The following PIWIL3 variants were observed in gnomAD, a reference collection of about 807,000 sequenced individuals.
PIWIL3 encodes the protein piwi-like protein 3.
In PIWIL3, 101 loss-of-function variants were observed where a neutral mutation model predicts 109.7. The ratio of observed to expected loss-of-function variants is 0.92; its 90% CI spans 0.78 to 1.09. PIWIL3 has a LOEUF of 1.09. PIWIL3 is among the 50% of genes least tolerant of loss of function. The pLI is 0.00. For missense variants in PIWIL3, 1,031 were observed against 1,072.6 expected, an observed-to-expected ratio of 0.96 and a Z score of 0.54; for synonymous variants, 373 against 376.4, an observed-to-expected ratio of 0.99 and a Z score of 0.10.
intron 18 of PIWIL3, among the ~76,000 whole-genome samples, chr22:24,724,020 C>T (rs1922840246): frequency 6.6e-6 from 1 of 152,118 alleles, no homozygotes; most frequent in African/African-American, 2.4e-5. Flanking sequence ...CAAGCCTTCC[C>T]ACAGCAAGAC....
intron 1 of PIWIL3, among the ~76,000 whole-genome samples, chr22:24,768,444 G>A (rs1230551562): frequency 6.6e-6 from 1 of 152,060 alleles, no homozygotes; most frequent in African/African-American, 2.4e-5. Flanking sequence ...AGTAGGGACA[G>A]GGTTTCACCA....
At chr22:24,774,218 G>C (rs1156742943) in intron 1 of PIWIL3, 104 bp downstream of exon 1, 4 of 152,128 alleles carry the variant, frequency 2.6e-5, no homozygotes, top group African/African-American at 9.7e-5. Flanking sequence ...TCCAGCCTTG[G>C]AATGTGCTGT....
intron 9 of PIWIL3, 118 bp downstream of exon 9, chr22:24,751,269 C>T (rs1924694524): frequency 1.9e-6 from 2 of 1,045,420 alleles, no homozygotes; most frequent in South Asian, 1.7e-5. Flanking sequence ...AGCTATAATC[C>T]CCTAAAAGGA....
intron 11 of PIWIL3, 24 bp from the exon 12 acceptor site, chr22:24,749,045 A>G: frequency 1.9e-6 from 3 of 1,550,968 alleles, no homozygotes; most frequent in Non-Finnish European, 2.7e-6. Flanking sequence ...TATTGCCAAC[A>G]TGATCAAACC....
chr22:24,733,028 G>T (rs1923444392), intron 14 of PIWIL3, among the ~76,000 whole-genome samples: 1 of 152,194 alleles, frequency 6.6e-6, no homozygotes, highest in African/African-American at 2.4e-5. Flanking sequence ...TCAAGTAACA[G>T]GAAGCAACAC....
chr22:24,772,710 ATGG>A (rs1285074082), intron 1 of PIWIL3, among the ~76,000 whole-genome samples: 1 of 128,128 alleles, frequency 7.8e-6, no homozygotes, highest in Non-Finnish European at 1.8e-5. Context: ...GGAATTAGAA[ATGG>A]TGGTGCTTAG....
chr22:24,729,144 C>T (rs1196326537), intron 14 of PIWIL3, among the ~76,000 whole-genome samples: 1 of 152,134 alleles, frequency 6.6e-6, no homozygotes, highest in Non-Finnish European at 1.5e-5. Context: ...CCTGCAGCTG[C>T]ACAGATGAGG....
At chr22:24,773,958 C>A (rs185226195) in intron 1 of PIWIL3, among the ~76,000 whole-genome samples, 1,918 of 152,166 alleles carry the variant, frequency 0.013, 27 homozygotes, top group African/African-American at 0.043. Context: ...CATGGTCCAG[C>A]CGCCTCAGCC....
At chr22:24,722,228 G>A (rs1045645145) in intron 19 of PIWIL3, among the ~76,000 whole-genome samples, 1 of 152,088 alleles carries the variant, frequency 6.6e-6, no homozygotes, top group Non-Finnish European at 1.5e-5. Flanking sequence ...GACTACAGGT[G>A]CCCGCCACCA....
chr22:24,762,110 G>C (rs1925473526), intron 2 of PIWIL3: 11 of 920,370 alleles, frequency 1.2e-5, no homozygotes, highest in Non-Finnish European at 1.5e-5. Context: ...CTTCCAAAGA[G>C]GAGTCATTGG....
rs1246241707 is a variant in PIWIL3, at chr22:24,751,486, TTTG to T, written c.987_989del (p.Asn329del). ...AATCAATATCATCTACTCTGTAGGT[TTTG>T]TTGTTGTATCTGTGGAATAATTACA... On this transcript the variant is annotated inframe_deletion, in exon 9 of 21. Coordinates refer to ENST00000616349, the MANE Select transcript of PIWIL3 (RefSeq NM_001255975.1). 3 of 1,610,842 alleles carry T rather than the reference TTTG, an allele frequency of 1.9e-6. No individual in the cohort carries two copies. Among genetic ancestry groups the T allele is most frequent in the African/African-American group, 2.7e-5 (2 of 74,756 alleles).
rs923147123 is a variant in PIWIL3 at position 24,774,627 on chromosome 22, G to C, written c.-328C>G. The C allele has an allele frequency of 1.3e-5, 2 of 151,952 alleles. No individual in the cohort carries two copies. Among genetic ancestry groups the C allele is most frequent in the Non-Finnish European group, 2.9e-5 (2 of 68,136 alleles). 9.4% of individuals were successfully genotyped at this position (151,952 alleles called of 1,614,324 possible). On this transcript the variant is annotated 5_prime_UTR_variant, in exon 1 of 21. Transcript: ENST00000616349. The stretch of plus-strand genomic sequence containing the variant: ...TGGAGACCATCCTGGCTAACACAGT[G>C]AAACCCTATCTCTACTAAAAATACA...
chr22:24,758,155 A>T, intron 3 of PIWIL3, 116 bp from the exon 4 acceptor site: 1 of 1,243,584 alleles, frequency 8.0e-7, no homozygotes, highest in Non-Finnish European at 1.1e-6. Flanking sequence ...CAAGGTTCCA[A>T]AACACATTTC....
At chr22:24,722,658 T>C (rs1370291158) in intron 19 of PIWIL3, among the ~76,000 whole-genome samples, 1 of 152,004 alleles carries the variant, frequency 6.6e-6, no homozygotes. Context: ...GGTGGCAGTG[T>C]GCCTGTGCCA....
chr22:24,729,699 C>A (rs961587000), intron 14 of PIWIL3, among the ~76,000 whole-genome samples: 6 of 152,162 alleles, frequency 3.9e-5, no homozygotes, highest in Non-Finnish European at 7.4e-5. Flanking sequence ...TAAGGAAATT[C>A]TCTTCTTATT....
intron 3 of PIWIL3, among the ~76,000 whole-genome samples, chr22:24,758,830 T>C (rs1383271694): frequency 1.3e-5 from 2 of 148,530 alleles, no homozygotes; most frequent in African/African-American, 2.6e-5. Context: ...ATCAAATTCA[T>C]CATATTAAAA....
chr22:24,756,314 C>T (rs769923382), intron 5 of PIWIL3, among the ~76,000 whole-genome samples, 177 bp downstream of exon 5: 1 of 152,044 alleles, frequency 6.6e-6, no homozygotes, highest in Non-Finnish European at 1.5e-5. Context: ...AAATCAGAGG[C>T]ATTATTGAAT....
At chr22:24,760,140 T>C (rs1333404310) in intron 2 of PIWIL3, 151 bp from the exon 3 acceptor site, 4 of 1,062,490 alleles carry the variant, frequency 3.8e-6, no homozygotes, top group Non-Finnish European at 5.4e-6. Flanking sequence ...GCAACATACA[T>C]AGCACCTTGT....
chr22:24,724,920 A>G lies in PIWIL3; in HGVS notation c.2198T>C (p.Met733Thr), dbSNP rs777375913. 5.6e-6 allele frequency: 9 copies of G among 1,614,166 alleles called. No homozygotes were observed. Among genetic ancestry groups the G allele is most frequent in the Non-Finnish European group, 6.8e-6 (8 of 1,180,018 alleles). ...QALLDHEAKKMSTYLKTISPN... is the reference protein window; with the variant it reads ...QALLDHEAKKTSTYLKTISPN... ...AGAGATGGTTTTTAAGTAGGTCGAC[A>G]TCTTTTTCGCTTCATGGTCAAGCAA... Residue 733 changes from methionine (M) to threonine (T), a missense_variant, in exon 18 of 21, where the codon ATG becomes ACG. Met to Thr is a moderately conservative substitution (Grantham distance 81). Transcript: ENST00000616349.
Sources: allele counts gnomAD v4.1 joint callset (sites outside exome capture counted in the v4.1 genomes callset), GRCh38; gene constraint gnomAD v4.1.1; transcripts MANE v1.5; gene names NCBI Gene and HGNC (gene_info 2026-07-23, HGNC 2026-07-21).